EFCAB6: variants seen among roughly 807,000 people sequenced by gnomAD.
EFCAB6 encodes EF-hand calcium binding domain 6.
A neutral mutation model predicts 169.8 loss-of-function variants in EFCAB6; 156 were observed. The ratio of observed to expected loss-of-function variants is 0.92; its 90% CI spans 0.81 to 1.05. The LOEUF is 1.05. Among genes scored for constraint, EFCAB6 ranks in the 50% least tolerant of loss-of-function variants. EFCAB6 has a pLI of 0.00. For missense variants in EFCAB6, 1,800 were observed against 1,829.1 expected, an observed-to-expected ratio of 0.98 and a Z score of 0.29; for synonymous variants, 698 against 676.4, an observed-to-expected ratio of 1.03 and a Z score of -0.50.
intron 20 of EFCAB6, among the ~76,000 whole-genome samples, chr22:43,623,174 T>C (rs67402141): frequency 0.034 from 5,203 of 152,318 alleles, 102 homozygotes; most frequent in South Asian, 0.039. Context: ...GGTATTTTCA[T>C]TCAGTTAGTC....
rs1048718905 is a variant in EFCAB6 at position 43,736,882 on chromosome 22, C to T, written c.508-889G>A. On this transcript the variant is annotated intron_variant, in intron 6 of 31. Coordinates refer to ENST00000262726, the MANE Select transcript of EFCAB6 (RefSeq NM_022785.4). Reference sequence around the variant, plus strand: ...GCACAATCCAGCCCCACGCTGCAGCCGCCCACCCCCCATCTTTCCAGTTCA... The same window carrying T: ...GCACAATCCAGCCCCACGCTGCAGCTGCCCACCCCCCATCTTTCCAGTTCA... Among the ~76,000 whole-genome samples, 173 of 151,996 alleles carry T rather than the reference C, an allele frequency of 1.1e-3. 1 individual carries two copies. The highest frequency in any genetic ancestry group is 4.0e-4 in the Non-Finnish European group (27 of 67,978).
At chr22:43,797,557 T>G (rs1011435420) in intron 2 of EFCAB6, among the ~76,000 whole-genome samples, 16 of 152,042 alleles carry the variant, frequency 1.1e-4, no homozygotes, top group South Asian at 2.1e-4. Flanking sequence ...AGATTTTATG[T>G]GACCACTGTA....
At chr22:43,641,916 G>A (rs1206744731) in intron 17 of EFCAB6, among the ~76,000 whole-genome samples, 1 of 152,214 alleles carries the variant, frequency 6.6e-6, no homozygotes, top group Non-Finnish European at 1.5e-5. Flanking sequence ...TGCACCCTGA[G>A]GAGATTCAGG....
chr22:43,574,162 A>G (rs534746028), intron 26 of EFCAB6, among the ~76,000 whole-genome samples: 1 of 152,296 alleles, frequency 6.6e-6, no homozygotes, highest in African/African-American at 2.4e-5. Context: ...ATGCTTAAAA[A>G]TAAGGGAGTG....
chr22:43,634,645 A>G (rs1480847370), intron 18 of EFCAB6, among the ~76,000 whole-genome samples: 1 of 140,808 alleles, frequency 7.1e-6, no homozygotes, highest in Non-Finnish European at 1.6e-5. Flanking sequence ...ACACTGCACA[A>G]AGATGGGTTT....
At chr22:43,600,810 C>T (rs531103606) in intron 22 of EFCAB6, among the ~76,000 whole-genome samples, 22 of 152,210 alleles carry the variant, frequency 1.4e-4, no homozygotes, top group African/African-American at 4.6e-4. Context: ...ATTACAGCGC[C>T]GGCCACCATG....
At chr22:43,669,158 G>T in intron 15 of EFCAB6, 113 bp from the exon 16 acceptor site, 1 of 930,864 alleles carries the variant, frequency 1.1e-6, no homozygotes, top group Non-Finnish European at 1.5e-6. Flanking sequence ...ATCCACTGCT[G>T]GTGGGAATGT....
At chr22:43,742,329 G>A (rs757414894) in intron 6 of EFCAB6, among the ~76,000 whole-genome samples, 8 of 152,116 alleles carry the variant, frequency 5.3e-5, no homozygotes, top group East Asian at 1.9e-4. Context: ...TTTACATATC[G>A]TCTAGGGACT....
intron 9 of EFCAB6, among the ~76,000 whole-genome samples, chr22:43,712,245 C>T (rs1019138686): frequency 1.3e-5 from 2 of 151,928 alleles, no homozygotes; most frequent in African/African-American, 2.4e-5. Flanking sequence ...ACTGTGAAGA[C>T]GGGTTTTATT....
At chr22:43,751,765 C>G (rs892550905) in intron 6 of EFCAB6, among the ~76,000 whole-genome samples, 3 of 152,238 alleles carry the variant, frequency 2.0e-5, no homozygotes, top group Non-Finnish European at 4.4e-5. Context: ...GGTCTAACTA[C>G]AGGTGTAACA....
intron 3 of EFCAB6, among the ~76,000 whole-genome samples, chr22:43,775,175 C>A (rs184561359): frequency 2.6e-5 from 4 of 152,038 alleles, no homozygotes; most frequent in Non-Finnish European, 4.4e-5. Flanking sequence ...GGAACACCTG[C>A]GTCTGGCCTG....
chr22:43,621,908 C>T (rs2054140576), intron 20 of EFCAB6, among the ~76,000 whole-genome samples: 1 of 152,086 alleles, frequency 6.6e-6, no homozygotes, highest in Non-Finnish European at 1.5e-5. Flanking sequence ...CACCATGAAC[C>T]ATATTAATTC....
intron 21 of EFCAB6, among the ~76,000 whole-genome samples, 192 bp from the exon 22 acceptor site, chr22:43,608,792 T>C (rs2053102138): frequency 6.6e-6 from 1 of 152,118 alleles, no homozygotes; most frequent in African/African-American, 2.4e-5. Flanking sequence ...AAAACGGAAA[T>C]GAGAATTAGG....
At chr22:43,790,369 A>T (rs999428702) in intron 2 of EFCAB6, among the ~76,000 whole-genome samples, 3 of 152,254 alleles carry the variant, frequency 2.0e-5, no homozygotes, top group African/African-American at 7.2e-5. Flanking sequence ...ATATTTACTC[A>T]GTTCCTTTCT....
chr22:43,670,625 T>C lies in EFCAB6; in HGVS notation c.1640+1348A>G, dbSNP rs372969970. Among the ~76,000 whole-genome samples, 13 of 152,354 alleles carry C rather than the reference T, an allele frequency of 8.5e-5. No homozygotes were observed. The East Asian group carries it at 1.9e-3, about 23-fold the overall frequency. ...AAGCCATACTTTGCTCAATAAGTGCTCACTAGTATTATAATCGCTCCCATA... is the reference window on the plus strand; with the variant it reads ...AAGCCATACTTTGCTCAATAAGTGCCCACTAGTATTATAATCGCTCCCATA... On this transcript the variant is annotated intron_variant, in intron 15 of 31. Transcript: ENST00000262726.
At chr22:43,619,572 A>AG (rs1295790606) in intron 20 of EFCAB6, among the ~76,000 whole-genome samples, 1 of 152,212 alleles carries the variant, frequency 6.6e-6, no homozygotes, top group Admixed American at 6.5e-5. Context: ...AGAAAGAAGA[A>AG]GGAAAAAGGA....
intron 4 of EFCAB6, among the ~76,000 whole-genome samples, chr22:43,765,978 TG>T (rs1228249930): frequency 6.6e-6 from 1 of 152,216 alleles, no homozygotes; most frequent in Non-Finnish European, 1.5e-5. Flanking sequence ...TGTACACTGA[TG>T]TTTTTGGGGT....
chr22:43,755,458 CAGTCTT>C (rs2060922090), intron 6 of EFCAB6, among the ~76,000 whole-genome samples: 1 of 152,220 alleles, frequency 6.6e-6, no homozygotes, highest in South Asian at 2.1e-4. Flanking sequence ...AAAACCTACT[CAGTCTT>C]AGACAAAGAC....
intron 2 of EFCAB6, among the ~76,000 whole-genome samples, chr22:43,802,185 G>A (rs1389877906): frequency 6.6e-6 from 1 of 152,032 alleles, no homozygotes; most frequent in East Asian, 1.9e-4. Flanking sequence ...AACCAGCACC[G>A]ACATCCCACT....
Sources: gnomAD v4.1 joint callset for allele counts (sites outside exome capture counted in the v4.1 genomes callset) on GRCh38, gnomAD v4.1.1 for gene constraint, MANE v1.5 for transcripts, NCBI Gene and HGNC (gene_info 2026-07-23, HGNC 2026-07-21) for gene names.